The following PLPPR1 variants were observed in gnomAD, a reference collection of about 807,000 sequenced individuals.
PLPPR1 encodes phospholipid phosphatase-related protein type 1.
In PLPPR1, 10 loss-of-function variants were observed where a neutral mutation model predicts 33.1. That is an observed-to-expected ratio of 0.30 (90% CI 0.19 to 0.51). The LOEUF (loss-of-function observed/expected upper bound fraction) is 0.51. Among genes scored for constraint, PLPPR1 ranks in the 20% least tolerant of loss-of-function variants. The pLI is 0.97. For missense variants in PLPPR1, 304 were observed against 408.1 expected (o/e 0.74, Z 2.20); for synonymous variants, 151 against 151.0 (o/e 1.00, Z 0.00).
chr9:101,077,378 TTAC>T (rs1320451578), intron 1 of PLPPR1, among the ~76,000 whole-genome samples: 5 of 152,232 alleles, frequency 3.3e-5, no homozygotes, highest in African/African-American at 1.2e-4. Context: ...CATTTGTGTA[TTAC>T]TTGAAACTTT....
At chr9:101,182,182 C>A (rs1215144383) in intron 1 of PLPPR1, among the ~76,000 whole-genome samples, 3 of 151,260 alleles carry the variant, frequency 2.0e-5, no homozygotes, top group Non-Finnish European at 4.4e-5. Flanking sequence ...CATGTGGAAT[C>A]TAAAAAAGTT....
At chr9:101,071,642 A>G (rs1243455826) in intron 1 of PLPPR1, among the ~76,000 whole-genome samples, 2 of 149,410 alleles carry the variant, frequency 1.3e-5, no homozygotes, top group African/African-American at 2.5e-5. Flanking sequence ...CAGAGATAGT[A>G]CAAGATTACT....
At chr9:101,036,259 G>C (rs1830008433) in intron 1 of PLPPR1, among the ~76,000 whole-genome samples, 1 of 152,108 alleles carries the variant, frequency 6.6e-6, no homozygotes, top group Admixed American at 6.5e-5. Context: ...AGTGTATATG[G>C]CAAGGGCCCT....
At chr9:101,267,231 G>C (rs181104248) in intron 2 of PLPPR1, among the ~76,000 whole-genome samples, 1 of 152,300 alleles carries the variant, frequency 6.6e-6, no homozygotes, top group Admixed American at 6.5e-5. Flanking sequence ...AACAAGTCAA[G>C]CATAAAAGAA....
In PLPPR1 at chr9:101,299,919, T is replaced by G. The variant is rs139683144; in HGVS notation, c.386-9292T>G. 1.1e-4 allele frequency among the ~76,000 whole-genome samples: 16 copies of G among 152,256 alleles called. No homozygotes were observed. In the Middle Eastern group the frequency reaches 0.01, roughly 97 times the overall value. Reference sequence around the variant, plus strand: ...ATGCCAATAGCACTCACTCCTCTAGTAGTGACAATCAAAAATGTCTCCAAA... The same window carrying G: ...ATGCCAATAGCACTCACTCCTCTAGGAGTGACAATCAAAAATGTCTCCAAA... On this transcript the variant is annotated intron_variant, in intron 4 of 7. Coordinates refer to ENST00000374874, the MANE Select transcript of PLPPR1 (RefSeq NM_207299.2).
chr9:101,040,945 G>A (rs1452172073), intron 1 of PLPPR1, among the ~76,000 whole-genome samples: 17 of 152,148 alleles, frequency 1.1e-4, no homozygotes, highest in Admixed American at 1.1e-3. Flanking sequence ...TCTTGAGAAT[G>A]GATTTAAGAC....
At chr9:101,115,107 C>A (rs983416763) in intron 1 of PLPPR1, among the ~76,000 whole-genome samples, 1 of 152,160 alleles carries the variant, frequency 6.6e-6, no homozygotes, top group African/African-American at 2.4e-5. Context: ...CACATTCTGT[C>A]CCATCTCCAC....
intron 1 of PLPPR1, among the ~76,000 whole-genome samples, chr9:101,044,312 A>G (rs1407314618): frequency 6.6e-6 from 1 of 151,832 alleles, no homozygotes; most frequent in East Asian, 1.9e-4. Context: ...TGATCCCCAC[A>G]CTCTCCCCTA....
At chr9:101,114,206 CTA>C (rs1328535735) in intron 1 of PLPPR1, among the ~76,000 whole-genome samples, 1 of 152,180 alleles carries the variant, frequency 6.6e-6, no homozygotes, top group Non-Finnish European at 1.5e-5. Context: ...GAACACTGTT[CTA>C]ACTGCTTTAA....
At chr9:101,262,277 T>C (rs1344376257) in intron 2 of PLPPR1, among the ~76,000 whole-genome samples, 2 of 152,204 alleles carry the variant, frequency 1.3e-5, no homozygotes, top group East Asian at 3.9e-4. Flanking sequence ...CACGAAAATT[T>C]AGACCACACA....
chr9:101,253,272 G>A (rs1056571321), intron 2 of PLPPR1, among the ~76,000 whole-genome samples: 1 of 151,920 alleles, frequency 6.6e-6, no homozygotes, highest in East Asian at 1.9e-4. Flanking sequence ...TAGTGGCCAG[G>A]CATGGTGGTT....
intron 1 of PLPPR1, among the ~76,000 whole-genome samples, chr9:101,089,484 G>A (rs10819893): frequency 0.018 from 2,705 of 152,166 alleles, 57 homozygotes; most frequent in East Asian, 0.082. Context: ...AATCGCCCAC[G>A]CTTTCCTTTA....
chr9:101,101,544 A>G (rs1265860953), intron 1 of PLPPR1, among the ~76,000 whole-genome samples: 1 of 151,958 alleles, frequency 6.6e-6, no homozygotes, highest in Non-Finnish European at 1.5e-5. Context: ...AAGAAACAAT[A>G]ACAATTCAGC....
chr9:101,090,414 T>C (rs1225296863), intron 1 of PLPPR1, among the ~76,000 whole-genome samples: 2 of 152,144 alleles, frequency 1.3e-5, no homozygotes, highest in African/African-American at 2.4e-5. Flanking sequence ...AGATTTCATG[T>C]TTGCTGATTT....
intron 1 of PLPPR1, among the ~76,000 whole-genome samples, chr9:101,104,648 T>C (rs1830949741): frequency 9.1e-6 from 1 of 109,900 alleles, no homozygotes; most frequent in Admixed American, 9.3e-5. Flanking sequence ...GGTATCAGAA[T>C]GATGCTGGCC....
At chr9:101,141,373 A>G (rs148554890) in intron 1 of PLPPR1, among the ~76,000 whole-genome samples, 142 of 152,292 alleles carry the variant, frequency 9.3e-4, no homozygotes, top group African/African-American at 3.3e-3. Flanking sequence ...TAAGCATTTG[A>G]TGTGAATTAT....
At chr9:101,132,545 G>A (rs1180868111) in intron 1 of PLPPR1, among the ~76,000 whole-genome samples, 1 of 152,134 alleles carries the variant, frequency 6.6e-6, no homozygotes, top group Non-Finnish European at 1.5e-5. Context: ...AGAATTCTGA[G>A]GGAGGTGAAA....
At chr9:101,147,241 T>C (rs1398155330) in intron 1 of PLPPR1, among the ~76,000 whole-genome samples, 3 of 152,170 alleles carry the variant, frequency 2.0e-5, no homozygotes, top group Non-Finnish European at 2.9e-5. Context: ...ATTTATAATT[T>C]GTAAGGAATG....
chr9:101,073,600 C>A (rs930178875), intron 1 of PLPPR1, among the ~76,000 whole-genome samples: 1 of 152,036 alleles, frequency 6.6e-6, no homozygotes, highest in African/African-American at 2.4e-5. Context: ...TGGGGTTGGT[C>A]ATTGCTGAAT....
Sources: gnomAD v4.1 joint callset for allele counts (sites outside exome capture counted in the v4.1 genomes callset) on GRCh38, gnomAD v4.1.1 for gene constraint, MANE v1.5 for transcripts, NCBI Gene and HGNC (gene_info 2026-07-23, HGNC 2026-07-21) for gene names.